The following PCDH19 variants were observed in gnomAD, a reference collection of about 807,000 sequenced individuals.
PCDH19 encodes the protein protocadherin 19, also known as protocadherin-19.
A neutral mutation model predicts 46.2 loss-of-function variants in PCDH19; 6 were observed. The observed-to-expected ratio is 0.13, with a 90% CI of 0.07 to 0.26. The LOEUF is 0.26. Among genes scored for constraint, PCDH19 ranks in the 10% least tolerant of loss-of-function variants. The pLI is 1.00. For missense variants in PCDH19, 740 were observed against 972.3 expected (o/e 0.76, Z 3.18); for synonymous variants, 481 against 415.7 (o/e 1.16, Z -1.91).
intron 5 of PCDH19, among the ~76,000 whole-genome samples, chrX:100,312,319 G>A (rs1008534668): frequency 9.0e-6 from 1 of 111,255 alleles, no homozygotes; most frequent in Non-Finnish European, 1.9e-5. Context: ...AAAGTAAAAT[G>A]CAAATGTGTC....
chrX:100,300,759 C>A (rs1162880219), intron 5 of PCDH19, among the ~76,000 whole-genome samples: 4 of 110,099 alleles, frequency 3.6e-5, no homozygotes, highest in Admixed American at 9.7e-5. Flanking sequence ...ATCTTGAGAC[C>A]AGAGAACTCC....
At chrX:100,333,279 C>T (rs1343241411) in intron 5 of PCDH19, among the ~76,000 whole-genome samples, 10 of 110,603 alleles carry the variant, frequency 9.0e-5, no homozygotes, top group African/African-American at 3.3e-4. Context: ...CTTGATTTGT[C>T]TCTCATCTAT....
At chrX:100,301,727 T>A (rs1000373214) in intron 5 of PCDH19, among the ~76,000 whole-genome samples, 2 of 112,077 alleles carry the variant, frequency 1.8e-5, no homozygotes, top group African/African-American at 6.5e-5. Context: ...TTAAAATTGG[T>A]CACATGTGCC....
At chrX:100,340,780 T>C (rs1284880966) in intron 5 of PCDH19, among the ~76,000 whole-genome samples, 1 of 112,358 alleles carries the variant, frequency 8.9e-6, no homozygotes, top group Non-Finnish European at 1.9e-5. Flanking sequence ...TTGTGGATAG[T>C]ACATTTTTTC....
chrX:100,355,845 T>G (rs2147496602), intron 3 of PCDH19, among the ~76,000 whole-genome samples: 1 of 111,292 alleles, frequency 9.0e-6, no homozygotes, highest in East Asian at 2.8e-4. Context: ...ATACTTCCAC[T>G]TTGTCAGGCC....
At chrX:100,309,421 T>TTA (rs1925061744) in intron 5 of PCDH19, among the ~76,000 whole-genome samples, 1 of 110,870 alleles carries the variant, frequency 9.0e-6, no homozygotes, top group East Asian at 2.8e-4. Flanking sequence ...AGACTGCACA[T>TTA]TGGGTAGAGT....
At chrX:100,327,023 A>G (rs1278768188) in intron 5 of PCDH19, among the ~76,000 whole-genome samples, 1 of 112,144 alleles carries the variant, frequency 8.9e-6, no homozygotes, top group Non-Finnish European at 1.9e-5. Context: ...GAATTTAAAT[A>G]AATGCATTTT....
Position 100,294,278 on chromosome X carries a change from CTTAA to C in PCDH19, c.*1995_*1998del, listed in dbSNP as rs1569283131. 3 of 111,964 alleles carry C rather than the reference CTTAA, an allele frequency of 2.7e-5. No homozygotes were observed. Among genetic ancestry groups the C allele is most frequent in the African/African-American group, 9.8e-5 (3 of 30,695 alleles). 9.2% of individuals were successfully genotyped at this position (111,964 alleles called of 1,213,427 possible). On this transcript the variant is annotated 3_prime_UTR_variant, in exon 6 of 6. Transcript: ENST00000373034. ...AATGAAGATGTTATGGTAATTCATC[CTTAA>C]TTGTGTCAGCTTCAGAGGGAAATTT...
At chrX:100,339,263 C>A (rs188862671) in intron 5 of PCDH19, among the ~76,000 whole-genome samples, 51 of 112,336 alleles carry the variant, frequency 4.5e-4, no homozygotes, top group African/African-American at 1.6e-3. Flanking sequence ...ATTCCCATCA[C>A]ACTGTCAATG....
intron 3 of PCDH19, among the ~76,000 whole-genome samples, chrX:100,398,743 G>A (rs1037660036): frequency 2.7e-5 from 3 of 112,058 alleles, no homozygotes; most frequent in African/African-American, 9.7e-5. Context: ...TTGATCTAAT[G>A]CCATGGTGAT....
chrX:100,409,121 C>T lies in PCDH19; in HGVS notation c.-524G>A, dbSNP rs1231590662. ...TCTGTGCACCTGGCATGCGCAAAGA[C>T]CTCCCCCCAGCGCTCCCAGTTCACT... On this transcript the variant is annotated 5_prime_UTR_variant, in exon 1 of 6. Transcript: ENST00000373034. 1 of 113,059 alleles carries T rather than the reference C, an allele frequency of 8.8e-6. No individual in the cohort carries two copies. Among genetic ancestry groups the T allele is most frequent in the Non-Finnish European group, 1.9e-5 (1 of 53,224 alleles). 9.3% of individuals were successfully genotyped at this position (113,059 alleles called of 1,213,427 possible). A position where few individuals can be genotyped will look rare whatever the true frequency, so the allele number is the denominator to read the frequency against.
chrX:100,405,091 C>T (rs1265167376), intron 1 of PCDH19, among the ~76,000 whole-genome samples: 1 of 112,222 alleles, frequency 8.9e-6, no homozygotes, highest in African/African-American at 3.2e-5. Context: ...TTGTGTAACG[C>T]AGAGAATAGT....
rs1441868005 is a variant in PCDH19 at position 100,393,523 on chromosome X, C to CACACACAT, written c.2616+9000_2616+9001insATGTGTGT. On this transcript the variant is annotated intron_variant, in intron 3 of 5. Transcript: ENST00000373034. ...ACACACACACACACACACACACACA[C>CACACACAT]ACACACACACACAAACTCCCCTAAA... 4.6e-5 allele frequency among the ~76,000 whole-genome samples: 5 copies of CACACACAT among 109,096 alleles called. No individual in the cohort carries two copies. In the East Asian group the frequency reaches 1.4e-3, roughly 32 times the overall value. The allele number at this position is 109,096 out of a possible 115,157, so 94.7% of individuals were successfully genotyped here.
In PCDH19 at chrX:100,341,931, G is replaced by C. The variant is rs375040933; in HGVS notation, c.2820C>G (p.Thr940=). 1.8e-5 allele frequency: 22 copies of C among 1,208,705 alleles called. No homozygotes were observed. The highest frequency in any genetic ancestry group is 2.1e-5 in the Non-Finnish European group (19 of 894,059). Residue 940 remains threonine, a synonymous_variant, in exon 5 of 6, where the codon ACC becomes ACG. Transcript: ENST00000373034. The part of the protein sequence containing the change: ...AVNDVLNTSV[T]SMGSQMPDHD... Reference sequence around the variant, plus strand: ...GATCAGGCATCTGAGATCCCATGGAGGTCACACTGGTGTTCAGCACATCGT... The same window carrying C: ...GATCAGGCATCTGAGATCCCATGGACGTCACACTGGTGTTCAGCACATCGT...
chrX:100,323,344 A>T lies in PCDH19; in HGVS notation c.2848+18559T>A, dbSNP rs143895669. ...GTTTCCCTAAGCAACATCTCTTCCA[A>T]ACTGGAGGCAGTAACCCTTTCATAA... On this transcript the variant is annotated intron_variant, in intron 5 of 5. Coordinates refer to ENST00000373034, the MANE Select transcript of PCDH19 (RefSeq NM_001184880.2). Among the ~76,000 whole-genome samples, 639 of 111,461 alleles carry T rather than the reference A, an allele frequency of 5.7e-3. 2 individuals are homozygous for T. The highest frequency in any genetic ancestry group is 9.8e-3 in the Non-Finnish European group (521 of 53,081).
intron 3 of PCDH19, among the ~76,000 whole-genome samples, chrX:100,381,706 C>T (rs899362329): frequency 2.7e-5 from 3 of 111,910 alleles, no homozygotes; most frequent in Non-Finnish European, 5.6e-5. Context: ...AGAACCACTC[C>T]TAAAATTAAT....
intron 5 of PCDH19, among the ~76,000 whole-genome samples, chrX:100,310,862 A>T (rs907749291): frequency 3.7e-5 from 4 of 108,964 alleles, no homozygotes. Context: ...TTAAAAAAAA[A>T]CTTCTTTAGA....
At chrX:100,353,911 C>T (rs184460141) in intron 3 of PCDH19, among the ~76,000 whole-genome samples, 4,990 of 111,504 alleles carry the variant, frequency 0.045, 104 homozygotes, top group Non-Finnish European at 0.072. Context: ...TTCCTAGAAC[C>T]GATTTTCCCA....
intron 5 of PCDH19, among the ~76,000 whole-genome samples, chrX:100,308,354 T>C (rs780167458): frequency 9.0e-6 from 1 of 111,121 alleles, no homozygotes; most frequent in Non-Finnish European, 1.9e-5. Context: ...TGAAACTGGA[T>C]CTTCATCTCT....
Sources: gnomAD v4.1 joint callset for allele counts (sites outside exome capture counted in the v4.1 genomes callset) on GRCh38, gnomAD v4.1.1 for gene constraint, MANE v1.5 for transcripts, NCBI Gene and HGNC (gene_info 2026-07-23, HGNC 2026-07-21) for gene names.